RTN1: variants seen among roughly 807,000 people sequenced by gnomAD.
The protein encoded by RTN1 is reticulon-1.
In RTN1, 25 loss-of-function variants were observed where a neutral mutation model predicts 65.5. The observed-to-expected ratio is 0.38, with a 90% confidence interval of 0.28 to 0.53. The LOEUF is 0.53. RTN1 is among the 20% of genes least tolerant of loss of function. The probability of loss-of-function intolerance (pLI) is 0.79; values close to 1 mark genes in which losing one functional copy is unlikely to be tolerated. For missense variants in RTN1, 983 were observed against 1,025.4 expected (o/e 0.96, Z 0.57); for synonymous variants, 471 against 447.6 (o/e 1.05, Z -0.66).
At chr14:59,851,608 C>T (rs992322762) in intron 1 of RTN1, among the ~76,000 whole-genome samples, 14 of 152,010 alleles carry the variant, frequency 9.2e-5, no homozygotes, top group African/African-American at 3.1e-4. Flanking sequence ...GCCTGTAATC[C>T]CAGCACTTTG....
chr14:59,607,298 C>G lies in RTN1; in HGVS notation c.1960G>C (p.Gly654Arg). ...TGAGGCACTCACTTGAAAGGGTGGC[C>G]TTCGTCGGTTTTCTGCACTGCTTGT... The part of the protein sequence containing the change: ...VLQAVQKTDE[G>R]HPFKAYLELE... The change falls in exon 4 of 9, where the codon GGC (glycine) becomes CGC (arginine). Residue 654 changes from glycine (G) to arginine (R), a missense_variant. By Grantham distance (125) the Gly-to-Arg change is moderately radical. Around this residue, in one of 2 missense-constraint regions of RTN1, gnomAD observed 165 missense variants for 223.6 expected, o/e 0.74. Coordinates refer to ENST00000267484, the MANE Select transcript of RTN1 (RefSeq NM_021136.3). The G allele has an allele frequency of 6.2e-7, 1 of 1,613,956 alleles. No homozygotes were observed. The highest frequency in any genetic ancestry group is 8.5e-7 in the Non-Finnish European group (1 of 1,179,964).
intron 1 of RTN1, among the ~76,000 whole-genome samples, chr14:59,867,116 T>C (rs1287419757): frequency 6.6e-6 from 1 of 152,238 alleles, no homozygotes; most frequent in Non-Finnish European, 1.5e-5. Flanking sequence ...AAGCAGTCAA[T>C]GAGTTAATTT....
intron 3 of RTN1, among the ~76,000 whole-genome samples, chr14:59,659,975 T>C (rs1179635703): frequency 1.3e-5 from 2 of 149,946 alleles, no homozygotes; most frequent in African/African-American, 5.1e-5. Flanking sequence ...AACCCATCAC[T>C]GTGCTGTATT....
intron 2 of RTN1, among the ~76,000 whole-genome samples, chr14:59,743,023 G>T (rs969084383): frequency 6.2e-4 from 94 of 152,172 alleles, no homozygotes; most frequent in African/African-American, 2.1e-3. Flanking sequence ...ATGGAGAGAG[G>T]AGCTGAACAT....
intron 3 of RTN1, among the ~76,000 whole-genome samples, chr14:59,707,735 A>G (rs1884328756): frequency 6.6e-6 from 1 of 151,948 alleles, no homozygotes; most frequent in Non-Finnish European, 1.5e-5. Flanking sequence ...ACACACACAC[A>G]CACACACAAA....
intron 1 of RTN1, among the ~76,000 whole-genome samples, chr14:59,827,511 C>A (rs539064427): frequency 6.6e-6 from 1 of 152,298 alleles, no homozygotes; most frequent in Admixed American, 6.5e-5. Context: ...CTCCTCAGCT[C>A]ACACTCTGCT....
chr14:59,764,381 C>T (rs1433587978), intron 1 of RTN1, among the ~76,000 whole-genome samples: 4 of 151,202 alleles, frequency 2.6e-5, no homozygotes, highest in Admixed American at 6.6e-5. Flanking sequence ...AATGCAATGG[C>T]GCAACCTCGG....
rs372558235 is a variant in RTN1, at chr14:59,750,265, A to ATT, written c.242-3785_242-3784insAA. 9.5e-3 allele frequency among the ~76,000 whole-genome samples: 158 copies of ATT among 16,662 alleles called. 5 individuals carry two copies. Among genetic ancestry groups the ATT allele is most frequent in the African/African-American group, 0.023 (62 of 2,710 alleles). The allele number at this position is 16,662 out of a possible 152,430, so 10.9% of individuals were successfully genotyped here. ...TATATCTATAATATATAATATATAT[A>ATT]ATATCTATAATATATAATATATATA... On this transcript the variant is annotated intron_variant, in intron 1 of 8. Transcript: ENST00000267484.
intron 3 of RTN1, among the ~76,000 whole-genome samples, chr14:59,625,477 T>C (rs550798563): frequency 1.3e-5 from 2 of 152,340 alleles, no homozygotes; most frequent in Admixed American, 6.5e-5. Context: ...TAAAGAAACA[T>C]GGATCTGACG....
In RTN1 at chr14:59,787,318, T is replaced by C. The variant is rs545762585; in HGVS notation, c.242-40837A>G. Among the ~76,000 whole-genome samples the C allele has an allele frequency of 5.9e-5, 9 of 152,216 alleles. No individual in the cohort carries two copies. The South Asian group carries it at 1.9e-3, about 32-fold the overall frequency. On this transcript the variant is annotated intron_variant, in intron 1 of 8. Coordinates refer to ENST00000267484, the MANE Select transcript of RTN1 (RefSeq NM_021136.3). ...AATCCTTGACCTGCTTCTTACTAGA[T>C]GTAGAGTCCTGGGCAAGCAACCACA...
intron 3 of RTN1, among the ~76,000 whole-genome samples, chr14:59,686,482 A>C (rs1325786388): frequency 6.6e-6 from 1 of 152,240 alleles, no homozygotes; most frequent in African/African-American, 2.4e-5. Flanking sequence ...TGAATGTTAA[A>C]GCATGTCTCA....
chr14:59,708,419 T>A (rs555943446), intron 3 of RTN1, among the ~76,000 whole-genome samples: 1 of 152,372 alleles, frequency 6.6e-6, no homozygotes, highest in South Asian at 2.1e-4. Context: ...GCATAAGGTG[T>A]AAACACACAG....
At chr14:59,763,595 C>T (rs562214702) in intron 1 of RTN1, among the ~76,000 whole-genome samples, 226 of 148,354 alleles carry the variant, frequency 1.5e-3, no homozygotes, top group African/African-American at 5.3e-3. Context: ...TGCAGTGGCA[C>T]GATCTCGGCT....
chr14:59,693,499 C>T (rs1884002872), intron 3 of RTN1, among the ~76,000 whole-genome samples: 1 of 152,118 alleles, frequency 6.6e-6, no homozygotes, highest in South Asian at 2.1e-4. Flanking sequence ...TTTTATCCCT[C>T]ACCCCTTCCC....
chr14:59,674,420 G>A (rs534868860), intron 3 of RTN1, among the ~76,000 whole-genome samples: 10 of 152,350 alleles, frequency 6.6e-5, no homozygotes, highest in Admixed American at 6.5e-4. Flanking sequence ...AGGCAAAGAA[G>A]CAGCCACAAT....
At chr14:59,630,934 A>G in intron 3 of RTN1, 1 of 703,420 alleles carries the variant, frequency 1.4e-6, no homozygotes, top group Non-Finnish European at 1.7e-6. Flanking sequence ...TGACTCCCAG[A>G]ATATGCGAGG....
chr14:59,826,957 G>A (rs1447152919), intron 1 of RTN1, among the ~76,000 whole-genome samples: 1 of 152,200 alleles, frequency 6.6e-6, no homozygotes, highest in African/African-American at 2.4e-5. Context: ...TTTAGAATGG[G>A]TATCCAGGGA....
chr14:59,626,803 G>A (rs754147540), intron 3 of RTN1, among the ~76,000 whole-genome samples: 3 of 152,188 alleles, frequency 2.0e-5, no homozygotes, highest in Non-Finnish European at 4.4e-5. Context: ...ACTTAGGACA[G>A]CACCTGGCAC....
chr14:59,703,678 G>A (rs1181977470), intron 3 of RTN1, among the ~76,000 whole-genome samples: 1 of 152,174 alleles, frequency 6.6e-6, no homozygotes, highest in Non-Finnish European at 1.5e-5. Flanking sequence ...CGTAAGTTCC[G>A]TGAGAGCACA....
Sources: allele counts gnomAD v4.1 joint callset (sites outside exome capture counted in the v4.1 genomes callset), GRCh38; gene constraint gnomAD v4.1.1; regional missense constraint gnomAD v4.1.1; transcripts MANE v1.5; gene names NCBI Gene and HGNC (gene_info 2026-07-23, HGNC 2026-07-21).